DNM1L: variants seen among roughly 807,000 people sequenced by gnomAD.
The protein encoded by DNM1L is dynamin 1L.
DNM1L carries 33 observed loss-of-function variants against 92.8 expected under a neutral mutation model. The ratio of observed to expected loss-of-function variants is 0.36; its 90% CI spans 0.27 to 0.48. The LOEUF (loss-of-function observed/expected upper bound fraction) is 0.48. DNM1L is among the 20% of genes least tolerant of loss of function. The pLI is 0.99. For missense variants in DNM1L, 485 were observed against 888.8 expected (o/e 0.55, Z 5.78); for synonymous variants, 284 against 305.0 (o/e 0.93, Z 0.72).
At chr12:32,714,991 C>T (rs1333625106) in intron 6 of DNM1L, among the ~76,000 whole-genome samples, 3 of 151,918 alleles carry the variant, frequency 2.0e-5, no homozygotes, top group Non-Finnish European at 4.4e-5. Flanking sequence ...AGAGCCAGAC[C>T]TTCGTAAAAA....
At chr12:32,686,021 A>G (rs1408843068) in intron 1 of DNM1L, among the ~76,000 whole-genome samples, 1 of 149,758 alleles carries the variant, frequency 6.7e-6, no homozygotes, top group Non-Finnish European at 1.5e-5. Context: ...AATTGAGGTG[A>G]AATTTGCAGA....
chr12:32,743,267 T>C (rs1376245482), intron 19 of DNM1L, 87 bp from the exon 20 acceptor site: 5 of 1,175,144 alleles, frequency 4.3e-6, no homozygotes, highest in Non-Finnish European at 6.2e-6. Context: ...ACCTACCACA[T>C]ATATATTGGA....
intron 4 of DNM1L, chr12:32,709,586 C>T (rs1317477920): frequency 6.6e-6 from 1 of 152,174 alleles, no homozygotes; most frequent in Non-Finnish European, 1.5e-5. Flanking sequence ...ATCTATGAAA[C>T]ATCTCTTCTT....
intron 9 of DNM1L, 75 bp downstream of exon 9, chr12:32,722,708 A>G (rs1006338314): frequency 6.4e-6 from 7 of 1,089,244 alleles, no homozygotes; most frequent in African/African-American, 1.6e-5. Flanking sequence ...AGATGACTTC[A>G]GCTCAGATTA....
chr12:32,684,428 A>T (rs1272245044), intron 1 of DNM1L, among the ~76,000 whole-genome samples: 2 of 152,224 alleles, frequency 1.3e-5, no homozygotes, highest in Non-Finnish European at 2.9e-5. Context: ...GGAATCCTAT[A>T]ATATGTGATT....
At chr12:32,694,566 C>A (rs546836627) in intron 1 of DNM1L, among the ~76,000 whole-genome samples, 2 of 152,104 alleles carry the variant, frequency 1.3e-5, no homozygotes, top group African/African-American at 4.8e-5. Flanking sequence ...AGTCTTGATA[C>A]CTCTAGTGGA....
At chr12:32,730,844 T>G (rs1954511171) in intron 9 of DNM1L, among the ~76,000 whole-genome samples, 170 bp from the exon 10 acceptor site, 1 of 152,196 alleles carries the variant, frequency 6.6e-6, no homozygotes, top group Non-Finnish European at 1.5e-5. Context: ...TTAGAGAAAC[T>G]AGTTCATAAT....
intron 3 of DNM1L, among the ~76,000 whole-genome samples, chr12:32,707,912 C>G (rs901628332): frequency 6.6e-6 from 1 of 151,418 alleles, no homozygotes; most frequent in African/African-American, 2.4e-5. Flanking sequence ...GATTGTGCCA[C>G]TGTACTCCAG....
chr12:32,680,074 A>G, intron 1 of DNM1L: 1 of 894,930 alleles, frequency 1.1e-6, no homozygotes, highest in Non-Finnish European at 1.3e-6. Flanking sequence ...GAAAAACAAA[A>G]CGTGTATCTA....
intron 2 of DNM1L, 98 bp from the exon 3 acceptor site, chr12:32,707,269 A>T: frequency 1.1e-6 from 1 of 907,194 alleles, no homozygotes; most frequent in Non-Finnish European, 1.7e-6. Flanking sequence ...AAAATTAAAT[A>T]CAAGTTAAGA....
At chr12:32,717,942 A>AT (rs2137416134) in intron 6 of DNM1L, among the ~76,000 whole-genome samples, 2 of 90,106 alleles carry the variant, frequency 2.2e-5, no homozygotes, top group African/African-American at 9.7e-5. Context: ...ATATATATAT[A>AT]AAATATAGTA....
chr12:32,726,643 G>T, intron 9 of DNM1L: 1 of 800,464 alleles, frequency 1.2e-6, no homozygotes, highest in Non-Finnish European at 2.1e-6. Flanking sequence ...GGAACTTCAG[G>T]AGGGGCAAGA....
chr12:32,733,874 T>G, intron 13 of DNM1L, 67 bp downstream of exon 13: 1 of 1,360,056 alleles, frequency 7.4e-7, no homozygotes, highest in South Asian at 1.2e-5. Context: ...TATATCAAAC[T>G]TATTTAGCAT....
intron 9 of DNM1L, chr12:32,725,101 C>T (rs1207203325): frequency 6.6e-6 from 1 of 150,812 alleles, no homozygotes; most frequent in Non-Finnish European, 1.5e-5. Context: ...TTTTTTTTTA[C>T]ACTTGCTTAT....
chr12:32,679,707 C>T (rs1031147360), intron 1 of DNM1L: 2 of 1,207,704 alleles, frequency 1.7e-6, no homozygotes, highest in Non-Finnish European at 2.1e-6. Context: ...GCGCGGCGGG[C>T]CTGGCTAGCC....
intron 1 of DNM1L, among the ~76,000 whole-genome samples, chr12:32,684,346 A>G (rs1951912873): frequency 6.6e-6 from 1 of 152,260 alleles, no homozygotes; most frequent in Admixed American, 6.5e-5. Context: ...TGGAAAAAGC[A>G]GGTATCACTG....
intron 1 of DNM1L, among the ~76,000 whole-genome samples, chr12:32,697,144 GC>G (rs1952501622): frequency 6.6e-6 from 1 of 151,712 alleles, no homozygotes; most frequent in Non-Finnish European, 1.5e-5. Context: ...CAAGAGAGTC[GC>G]TTGAACCAGT....
intron 2 of DNM1L, among the ~76,000 whole-genome samples, chr12:32,702,414 G>GT (rs1406908357): frequency 1.3e-5 from 2 of 152,136 alleles, no homozygotes; most frequent in East Asian, 3.9e-4. Context: ...TTGAATGAGA[G>GT]TAACGTATTT....
At chr12:32,714,418 G>A (rs1384783340) in intron 6 of DNM1L, among the ~76,000 whole-genome samples, 1 of 151,564 alleles carries the variant, frequency 6.6e-6, no homozygotes, top group East Asian at 2.0e-4. Flanking sequence ...GACTACAGGC[G>A]CCTGCCACCA....
Sources: allele counts gnomAD v4.1 joint callset (sites outside exome capture counted in the v4.1 genomes callset), GRCh38; gene constraint gnomAD v4.1.1; transcripts MANE v1.5; gene names NCBI Gene and HGNC (gene_info 2026-07-23, HGNC 2026-07-21).